Variants in SLC1A7 observed in about 807,000 individuals in gnomAD.
The protein encoded by SLC1A7 is excitatory amino acid transporter 5.
A neutral mutation model predicts 47.7 loss-of-function variants in SLC1A7; 40 were observed. That is an observed-to-expected ratio of 0.84 (90% CI 0.65 to 1.09). SLC1A7 has a LOEUF of 1.09. SLC1A7 is among the 50% of genes least tolerant of loss of function. SLC1A7 has a pLI of 0.00. For synonymous variants in SLC1A7, 323 were observed against 325.6 expected (o/e 0.99, Z 0.09); for missense variants, 746 against 769.5 (o/e 0.97, Z 0.36).
rs1444872223 is a variant in SLC1A7, at chr1:53,087,829, T to C, written c.*180A>G. 2 of 402,844 alleles carry C rather than the reference T, an allele frequency of 5.0e-6. No individual in the cohort carries two copies. The highest frequency in any genetic ancestry group is 2.0e-5 in the African/African-American group (1 of 48,822). The allele number at this position is 402,844 out of a possible 1,614,324, so 25.0% of individuals were successfully genotyped here. A position where few individuals can be genotyped will look rare whatever the true frequency, so the allele number is the denominator to read the frequency against. The stretch of plus-strand genomic sequence containing the variant: ...TCACTCCCTAGATGGGGCTCCCCCA[T>C]GCAGCCTTTCCCTTCTCTGAGATAC... On this transcript the variant is annotated 3_prime_UTR_variant, in exon 11 of 11. Coordinates refer to ENST00000371494, the MANE Select transcript of SLC1A7 (RefSeq NM_006671.6).
chr1:53,094,344 C>T lies in SLC1A7; in HGVS notation c.698-784G>A, dbSNP rs372740459. On this transcript the variant is annotated intron_variant, in intron 5 of 10. Coordinates refer to ENST00000371494, the MANE Select transcript of SLC1A7 (RefSeq NM_006671.6). Reference sequence around the variant, plus strand: ...ACACCAGGAAAGGGTGGTGTGGGAACGGCTCCGTGGGGTGAGCTCTGTCAG... The same window carrying T: ...ACACCAGGAAAGGGTGGTGTGGGAATGGCTCCGTGGGGTGAGCTCTGTCAG... Among the ~76,000 whole-genome samples, 195 of 152,268 alleles carry T rather than the reference C, an allele frequency of 1.3e-3. 2 individuals are homozygous for T. In the South Asian group the frequency reaches 0.031, roughly 24 times the overall value.
rs1336382686 is a variant in SLC1A7 at position 53,142,435 on chromosome 1, G to A, written c.15C>T (p.Ala5=). 6.2e-7 allele frequency: 1 copy of A among 1,613,362 alleles called. No individual in the cohort carries two copies. Among genetic ancestry groups the A allele is most frequent in the Admixed American group, 1.7e-5 (1 of 59,962 alleles). The part of the protein sequence containing the change: MVPH[A]ILARGRDVCR... ...ACACGTCCCTCCCCCGTGCCAAGAT[G>A]GCATGCGGCACCATGGTGAGCCTGG... is the stretch of plus-strand genomic sequence containing the variant. The change falls in exon 1 of 11, where the codon GCC becomes GCT. Residue 5 remains alanine (A), a synonymous_variant. Coordinates refer to ENST00000371494, the MANE Select transcript of SLC1A7 (RefSeq NM_006671.6).
intron 2 of SLC1A7, among the ~76,000 whole-genome samples, chr1:53,126,181 T>G (rs1483799141): frequency 2.6e-5 from 4 of 152,172 alleles, no homozygotes; most frequent in African/African-American, 9.7e-5. Context: ...CCCACCCCTC[T>G]GCAGGCCCTA....
intron 5 of SLC1A7, among the ~76,000 whole-genome samples, chr1:53,101,683 C>T (rs1290990705): frequency 6.7e-6 from 1 of 149,786 alleles, no homozygotes; most frequent in African/African-American, 2.5e-5. Context: ...CACTCACAAA[C>T]CATGTCTCGG....
At chr1:53,141,116 G>A (rs1293680673) in intron 1 of SLC1A7, among the ~76,000 whole-genome samples, 1 of 152,118 alleles carries the variant, frequency 6.6e-6, no homozygotes, top group Non-Finnish European at 1.5e-5. Context: ...ACTGGGCTTT[G>A]TCCTTGGGCC....
intron 2 of SLC1A7, among the ~76,000 whole-genome samples, chr1:53,119,689 A>G (rs1644798983): frequency 6.6e-6 from 1 of 152,214 alleles, no homozygotes; most frequent in East Asian, 1.9e-4. Flanking sequence ...ATGTAAAGCC[A>G]TTTTAGTTCA....
intron 4 of SLC1A7, among the ~76,000 whole-genome samples, chr1:53,104,747 C>G (rs1644621136): frequency 1.3e-5 from 2 of 152,180 alleles, no homozygotes; most frequent in South Asian, 4.1e-4. Flanking sequence ...CCTTTGTGTC[C>G]CCAGGCTCAA....
At chr1:53,109,418 G>T (rs889791338) in intron 3 of SLC1A7, among the ~76,000 whole-genome samples, 1 of 152,220 alleles carries the variant, frequency 6.6e-6, no homozygotes, top group Admixed American at 6.5e-5. Context: ...GTGCTGCACT[G>T]TGAGCAGGCG....
chr1:53,136,666 A>ATATATATATATTT (rs1232384266), intron 1 of SLC1A7, among the ~76,000 whole-genome samples: 1 of 105,394 alleles, frequency 9.5e-6, no homozygotes, highest in African/African-American at 3.9e-5. Context: ...ATATATATAT[A>ATATATATATATTT]TTTTTTTTTT....
At chr1:53,103,281 C>A in intron 5 of SLC1A7, 65 bp downstream of exon 5, 1 of 1,212,150 alleles carries the variant, frequency 8.2e-7, no homozygotes, top group Non-Finnish European at 1.2e-6. Flanking sequence ...GGTGGAGGAG[C>A]AGGCTGCTGG....
intron 2 of SLC1A7, 139 bp downstream of exon 2, chr1:53,134,211 G>T: frequency 1.7e-6 from 1 of 591,412 alleles, no homozygotes. Context: ...CCACGGCACT[G>T]CCCATAAAGG....
chr1:53,103,283 G>C (rs1644603506), intron 5 of SLC1A7, 63 bp downstream of exon 5: 5 of 1,256,302 alleles, frequency 4.0e-6, no homozygotes, highest in Non-Finnish European at 4.4e-6. Context: ...TGGAGGAGCA[G>C]GCTGCTGGGA....
intron 1 of SLC1A7, among the ~76,000 whole-genome samples, chr1:53,139,021 C>T (rs1382978592): frequency 2.0e-5 from 3 of 152,178 alleles, no homozygotes; most frequent in African/African-American, 7.2e-5. Context: ...CTCTTTGTTT[C>T]TCTCATTAGA....
chr1:53,134,630 A>G (rs1003889916), intron 1 of SLC1A7, among the ~76,000 whole-genome samples: 5 of 152,024 alleles, frequency 3.3e-5, no homozygotes, highest in Non-Finnish European at 7.4e-5. Flanking sequence ...CCAATCCCCC[A>G]CAAGCTGTGT....
chr1:53,089,845 A>C lies in SLC1A7; in HGVS notation c.1316T>G (p.Leu439Arg), dbSNP rs1644399965. 6.2e-7 allele frequency: 1 copy of C among 1,613,838 alleles called. No homozygotes were observed. The highest frequency in any genetic ancestry group is 1.7e-5 in the Admixed American group (1 of 59,998). Residue 439 changes from leucine (L) to arginine (R), a missense_variant, in exon 9 of 11, where the codon CTG becomes CGG. Leu to Arg is a moderately radical substitution (Grantham distance 102). Coordinates refer to ENST00000371494, the MANE Select transcript of SLC1A7 (RefSeq NM_006671.6). Reference protein sequence around the residue: ...TMVIVLTSVGLPTDDITLIIA... With the variant: ...TMVIVLTSVGRPTDDITLIIA... ...GATGAGGGTGATGTCATCGGTGGGC[A>C]GTCCCACGGAGGTGAGCACGATGAC...
At chr1:53,088,329 C>A (rs1557663843) in intron 10 of SLC1A7, 102 bp from the exon 11 acceptor site, 1 of 961,842 alleles carries the variant, frequency 1.0e-6, no homozygotes, top group East Asian at 2.7e-5. Flanking sequence ...GGGCTAGGAA[C>A]CACAAGATGG....
intron 3 of SLC1A7, among the ~76,000 whole-genome samples, chr1:53,111,928 GCA>G (rs1056451906): frequency 1.3e-5 from 2 of 152,194 alleles, no homozygotes; most frequent in African/African-American, 4.8e-5. Context: ...GAACAGCATG[GCA>G]AATATTTGAT....
chr1:53,089,696 A>T, intron 9 of SLC1A7, 104 bp downstream of exon 9: 1 of 1,266,474 alleles, frequency 7.9e-7, no homozygotes, highest in East Asian at 2.3e-5. Context: ...GGCAGTCCCC[A>T]GCCTTCTACC....
At chr1:53,141,042 G>T (rs1645051693) in intron 1 of SLC1A7, among the ~76,000 whole-genome samples, 1 of 152,178 alleles carries the variant, frequency 6.6e-6, no homozygotes, top group African/African-American at 2.4e-5. Context: ...TCTTCCAGGA[G>T]CCCATTGACA....
Sources: allele counts gnomAD v4.1 joint callset (sites outside exome capture counted in the v4.1 genomes callset), GRCh38; gene constraint gnomAD v4.1.1; transcripts MANE v1.5; gene names NCBI Gene and HGNC (gene_info 2026-07-23, HGNC 2026-07-21).